The following CDH13 variants were observed in gnomAD, a reference collection of about 807,000 sequenced individuals.
CDH13 encodes the protein cadherin 13, also known as cadherin-13.
A neutral mutation model predicts 63.8 loss-of-function variants in CDH13; 24 were observed. The ratio of observed to expected loss-of-function variants is 0.38; its 90% CI spans 0.27 to 0.53. The LOEUF (loss-of-function observed/expected upper bound fraction) is 0.53. Among genes scored for constraint, CDH13 ranks in the 20% least tolerant of loss-of-function variants. CDH13 has a pLI of 0.85. For synonymous variants in CDH13, 503 were observed against 355.3 expected (o/e 1.42, Z -4.67); for missense variants, 1,049 against 903.1 (o/e 1.16, Z -2.07).
rs144789567 is a variant in CDH13, at chr16:82,914,034, A to G, written c.157+55561A>G. 2.6e-3 allele frequency among the ~76,000 whole-genome samples: 394 copies of G among 151,936 alleles called. 1 individual carries two copies. The highest frequency in any genetic ancestry group is 0.021 in the East Asian group (107 of 5,176). On this transcript the variant is annotated intron_variant, in intron 2 of 13. Transcript: ENST00000567109. ...AGAAGAAAGGTATTGCTGTGTGGTA[A>G]GAGCAATGACTTGGTCAGGATGAGG...
chr16:82,980,587 A>T (rs1211514664), intron 2 of CDH13, among the ~76,000 whole-genome samples: 2 of 152,314 alleles, frequency 1.3e-5, no homozygotes, highest in South Asian at 2.1e-4. Flanking sequence ...CTTAAGTCAA[A>T]CATCTCTTTC....
At chr16:83,238,541 T>C (rs1356511391) in intron 5 of CDH13, among the ~76,000 whole-genome samples, 1 of 152,186 alleles carries the variant, frequency 6.6e-6, no homozygotes, top group Non-Finnish European at 1.5e-5. Flanking sequence ...TGGGATTTCT[T>C]GTAGGACTTG....
At chr16:83,779,322 G>A (rs548780011) in intron 11 of CDH13, among the ~76,000 whole-genome samples, 2 of 140,062 alleles carry the variant, frequency 1.4e-5, no homozygotes, top group East Asian at 2.3e-4. Flanking sequence ...CAGGGGAATC[G>A]CTTGAACCCG....
chr16:82,829,815 T>C (rs566626794), intron 1 of CDH13, among the ~76,000 whole-genome samples: 3 of 152,344 alleles, frequency 2.0e-5, no homozygotes, highest in African/African-American at 7.2e-5. Flanking sequence ...TTATTGAATG[T>C]GTAAGCAATA....
At chr16:83,659,651 G>A (rs970911102) in intron 8 of CDH13, among the ~76,000 whole-genome samples, 12 of 152,146 alleles carry the variant, frequency 7.9e-5, no homozygotes, top group African/African-American at 2.9e-4. Context: ...GCTTTCAGGT[G>A]TTTTAATGTG....
intron 3 of CDH13, among the ~76,000 whole-genome samples, chr16:83,042,444 C>A (rs1917407800): frequency 6.6e-6 from 1 of 152,122 alleles, no homozygotes; most frequent in African/African-American, 2.4e-5. Context: ...TCCCATCACC[C>A]CGAGACAGGA....
At chr16:83,347,589 A>G (rs2090866934) in intron 6 of CDH13, among the ~76,000 whole-genome samples, 1 of 152,300 alleles carries the variant, frequency 6.6e-6, no homozygotes, top group Admixed American at 6.5e-5. Context: ...CATTTCATCC[A>G]TGATCCCACT....
intron 13 of CDH13, among the ~76,000 whole-genome samples, chr16:83,792,768 A>G (rs1567600307): frequency 1.3e-5 from 2 of 152,260 alleles, no homozygotes; most frequent in Non-Finnish European, 2.9e-5. Context: ...GCCCATTTAA[A>G]ACAAGAAAGA....
intron 3 of CDH13, among the ~76,000 whole-genome samples, chr16:83,119,165 T>C (rs1398987882): frequency 1.3e-5 from 2 of 152,220 alleles, no homozygotes; most frequent in African/African-American, 4.8e-5. Flanking sequence ...TGTTCCTTTT[T>C]GGAATTCTCC....
intron 6 of CDH13, among the ~76,000 whole-genome samples, chr16:83,347,993 C>G (rs2090874111): frequency 6.6e-6 from 1 of 150,520 alleles, no homozygotes; most frequent in Non-Finnish European, 1.5e-5. Flanking sequence ...AGTTGGAGAC[C>G]AGCCTGGACA....
intron 8 of CDH13, among the ~76,000 whole-genome samples, chr16:83,611,120 C>T (rs965913109): frequency 6.6e-6 from 1 of 152,106 alleles, no homozygotes; most frequent in Non-Finnish European, 1.5e-5. Flanking sequence ...TCAAGTCTTT[C>T]AACCATTTTT....
chr16:83,680,865 T>C (rs1304610680), intron 10 of CDH13, among the ~76,000 whole-genome samples: 1 of 152,026 alleles, frequency 6.6e-6, no homozygotes, highest in African/African-American at 2.4e-5. Context: ...TCCAGCATGA[T>C]GGAATTCAGG....
At chr16:83,574,630 C>T (rs1469085604) in intron 7 of CDH13, among the ~76,000 whole-genome samples, 2 of 152,214 alleles carry the variant, frequency 1.3e-5, no homozygotes, top group Non-Finnish European at 2.9e-5. Flanking sequence ...ACAGGGATGG[C>T]ATTCCGTGCC....
intron 6 of CDH13, among the ~76,000 whole-genome samples, chr16:83,480,606 C>T (rs138768230): frequency 3.9e-5 from 6 of 152,276 alleles, no homozygotes; most frequent in Admixed American, 2.0e-4. Flanking sequence ...CAACAATTCT[C>T]ACATTGGCAG....
At chr16:82,671,579 A>C (rs1340989717) in intron 1 of CDH13, among the ~76,000 whole-genome samples, 5 of 152,244 alleles carry the variant, frequency 3.3e-5, no homozygotes, top group Admixed American at 6.5e-5. Flanking sequence ...CTTCAGATAC[A>C]TAGGTTTGTT....
chr16:83,568,907 C>G (rs1904322643), intron 7 of CDH13, among the ~76,000 whole-genome samples: 1 of 152,094 alleles, frequency 6.6e-6, no homozygotes, highest in Admixed American at 6.6e-5. Context: ...TCAGAACTGC[C>G]TCTCTGCTCC....
intron 8 of CDH13, among the ~76,000 whole-genome samples, chr16:83,625,469 G>A (rs183837553): frequency 3.5e-4 from 54 of 152,136 alleles, no homozygotes; most frequent in Admixed American, 2.4e-3. Flanking sequence ...ACTGACCATC[G>A]CTAACAGGAC....
At chr16:82,997,667 C>T (rs1021380689) in intron 2 of CDH13, among the ~76,000 whole-genome samples, 2 of 152,110 alleles carry the variant, frequency 1.3e-5, no homozygotes, top group African/African-American at 2.4e-5. Flanking sequence ...AAATACTGGG[C>T]ACAAGAGATT....
At chr16:83,740,441 G>T (rs1251203926) in intron 10 of CDH13, among the ~76,000 whole-genome samples, 2 of 152,138 alleles carry the variant, frequency 1.3e-5, no homozygotes, top group Admixed American at 1.3e-4. Flanking sequence ...AATAACCAAA[G>T]AAAGTGGACC....
Sources: allele counts gnomAD v4.1 joint callset (sites outside exome capture counted in the v4.1 genomes callset), GRCh38; gene constraint gnomAD v4.1.1; transcripts MANE v1.5; gene names NCBI Gene and HGNC (gene_info 2026-07-23, HGNC 2026-07-21).